Variants in MNAT1 observed in about 807,000 individuals in gnomAD.
MNAT1 encodes MNAT1 component of CDK activating kinase.
In MNAT1, 43 loss-of-function variants were observed where a neutral mutation model predicts 42.0. That is an observed-to-expected ratio of 1.02 (90% CI 0.80 to 1.32). MNAT1 has a LOEUF of 1.32. Ranked by LOEUF, MNAT1 falls within the 40% of genes most tolerant of loss-of-function variation. The pLI is 0.00. For synonymous variants in MNAT1, 118 were observed against 120.0 expected, an observed-to-expected ratio of 0.98 and a Z score of 0.11; for missense variants, 306 against 350.4, an observed-to-expected ratio of 0.87 and a Z score of 1.01.
At chr14:60,948,183 C>T (rs1201203349) in intron 7 of MNAT1, among the ~76,000 whole-genome samples, 4 of 152,272 alleles carry the variant, frequency 2.6e-5, no homozygotes, top group South Asian at 2.1e-4. Context: ...GTAATCTCAG[C>T]GCTTACCAAG....
intron 7 of MNAT1, among the ~76,000 whole-genome samples, chr14:60,961,399 C>A (rs4151398): frequency 6.6e-6 from 1 of 152,196 alleles, no homozygotes; most frequent in African/African-American, 2.4e-5. Flanking sequence ...GCTGAAACCA[C>A]CTGTCCCCTA....
chr14:60,934,468 G>A (rs1285583670), intron 7 of MNAT1, among the ~76,000 whole-genome samples: 5 of 152,116 alleles, frequency 3.3e-5, no homozygotes, highest in African/African-American at 1.2e-4. Context: ...GACCCAGTAG[G>A]AGGTAATTGA....
intron 3 of MNAT1, among the ~76,000 whole-genome samples, chr14:60,805,771 T>A (rs115949784): frequency 2.7e-3 from 407 of 152,358 alleles, no homozygotes; most frequent in African/African-American, 8.1e-3. Context: ...TACATTTTTT[T>A]AAATCTGCTG....
chr14:60,792,945 C>T (rs1003212346), intron 1 of MNAT1, among the ~76,000 whole-genome samples: 4 of 151,956 alleles, frequency 2.6e-5, no homozygotes, highest in Non-Finnish European at 5.9e-5. Flanking sequence ...AAAGATTGCC[C>T]ATATACTGCT....
intron 1 of MNAT1, among the ~76,000 whole-genome samples, chr14:60,759,366 T>C (rs2030499396): frequency 1.3e-5 from 2 of 152,176 alleles, no homozygotes; most frequent in Non-Finnish European, 2.9e-5. Context: ...TGAAATTAAT[T>C]TTGTTTGGCC....
chr14:60,891,073 A>G (rs1338433809), intron 7 of MNAT1, among the ~76,000 whole-genome samples: 1 of 152,198 alleles, frequency 6.6e-6, no homozygotes, highest in Non-Finnish European at 1.5e-5. Context: ...GTTTGCTCAT[A>G]GTTCTCTCAT....
intron 6 of MNAT1, among the ~76,000 whole-genome samples, chr14:60,819,169 G>A (rs1184688027): frequency 3.3e-5 from 5 of 151,904 alleles, no homozygotes; most frequent in African/African-American, 7.2e-5. Context: ...ATATGAAATG[G>A]GAAAGCAAAT....
At chr14:60,824,249 C>T (rs541169402) in intron 6 of MNAT1, among the ~76,000 whole-genome samples, 2 of 152,082 alleles carry the variant, frequency 1.3e-5, no homozygotes, top group East Asian at 3.9e-4. Context: ...TTTTTCTTTT[C>T]CTTTTATGTA....
rs149374098 is a variant in MNAT1, at chr14:60,840,165, A to G, written c.687+21318A>G. On this transcript the variant is annotated intron_variant, in intron 6 of 7. Transcript: ENST00000261245. ...ACGTGTTTCTTTAGTTACATCTGCA[A>G]AATTTTGACATCTTGCAACAGTTTG... Among the ~76,000 whole-genome samples the G allele has an allele frequency of 2.6e-3, 391 of 152,354 alleles. 2 individuals carry two copies. The highest frequency in any genetic ancestry group is 0.016 in the Admixed American group (249 of 15,308).
chr14:60,834,348 AG>A (rs2033315020), intron 6 of MNAT1, among the ~76,000 whole-genome samples: 1 of 152,078 alleles, frequency 6.6e-6, no homozygotes, highest in Non-Finnish European at 1.5e-5. Context: ...CAGAGATTCT[AG>A]TACGTTGTGT....
intron 1 of MNAT1, chr14:60,780,310 AG>A: frequency 6.5e-7 from 1 of 1,534,886 alleles, no homozygotes; most frequent in Non-Finnish European, 9.0e-7. Context: ...AGACTGCAAA[AG>A]ATGACAGTGC....
intron 7 of MNAT1, among the ~76,000 whole-genome samples, chr14:60,948,329 A>G (rs1280138617): frequency 1.3e-5 from 2 of 151,992 alleles, no homozygotes; most frequent in African/African-American, 2.4e-5. Flanking sequence ...TCCTCAGGAG[A>G]CTGAGATGGG....
chr14:60,889,474 G>A (rs1011138426), intron 7 of MNAT1, among the ~76,000 whole-genome samples: 41 of 152,020 alleles, frequency 2.7e-4, no homozygotes, highest in African/African-American at 8.7e-4. Context: ...AGACTTAAAC[G>A]TTAGATCTAA....
intron 6 of MNAT1, among the ~76,000 whole-genome samples, chr14:60,826,477 C>T (rs930775589): frequency 3.9e-5 from 6 of 151,908 alleles, no homozygotes; most frequent in South Asian, 2.1e-4. Context: ...CCACCATGCC[C>T]GGCTAATTTT....
At chr14:60,936,112 G>C (rs963775375) in intron 7 of MNAT1, among the ~76,000 whole-genome samples, 1 of 152,098 alleles carries the variant, frequency 6.6e-6, no homozygotes, top group Non-Finnish European at 1.5e-5. Context: ...CCCCCAGTGC[G>C]CATGTGGGCA....
chr14:60,963,280 G>A (rs559957045), intron 7 of MNAT1, among the ~76,000 whole-genome samples: 2 of 152,086 alleles, frequency 1.3e-5, no homozygotes, highest in East Asian at 1.9e-4. Flanking sequence ...ACACCCAGCC[G>A]GCCATGTATT....
intron 1 of MNAT1, among the ~76,000 whole-genome samples, chr14:60,784,223 C>A (rs1481176529): frequency 9.7e-6 from 1 of 103,392 alleles, no homozygotes; most frequent in East Asian, 2.9e-4. Context: ...GAGGTTTTGC[C>A]ATGTTGGCCA....
At chr14:60,824,281 C>T (rs897651888) in intron 6 of MNAT1, among the ~76,000 whole-genome samples, 3 of 152,208 alleles carry the variant, frequency 2.0e-5, no homozygotes, top group Admixed American at 6.5e-5. Context: ...TTCTCCCCAA[C>T]TGCCCATCCA....
chr14:60,787,919 T>G (rs1485847673), intron 1 of MNAT1, among the ~76,000 whole-genome samples: 1 of 152,204 alleles, frequency 6.6e-6, no homozygotes, highest in Non-Finnish European at 1.5e-5. Context: ...CTGTGAGGAT[T>G]GGAATCAACT....
Sources: gnomAD v4.1 joint callset for allele counts (sites outside exome capture counted in the v4.1 genomes callset) on GRCh38, gnomAD v4.1.1 for gene constraint, MANE v1.5 for transcripts, NCBI Gene and HGNC (gene_info 2026-07-23, HGNC 2026-07-21) for gene names.